Variants in ERBB4 observed in about 807,000 individuals in gnomAD.
ERBB4 encodes receptor tyrosine-protein kinase erbB-4.
ERBB4 carries 42 observed loss-of-function variants against 158.0 expected under a neutral mutation model. The observed-to-expected ratio is 0.27, with a 90% confidence interval of 0.21 to 0.34. The LOEUF is 0.34. Among genes scored for constraint, ERBB4 ranks in the 10% least tolerant of loss-of-function variants. The pLI is 1.00. For missense variants in ERBB4, 1,333 were observed against 1,624.1 expected (o/e 0.82, Z 3.08); for synonymous variants, 583 against 558.7 (o/e 1.04, Z -0.61).
intron 1 of ERBB4, among the ~76,000 whole-genome samples, chr2:212,500,008 A>C (rs1690795563): frequency 6.6e-6 from 1 of 152,152 alleles, no homozygotes; most frequent in Non-Finnish European, 1.5e-5. Context: ...TGTTAAATAC[A>C]AAACATGTTG....
At chr2:211,484,556 A>G (rs2125555736) in intron 20 of ERBB4, among the ~76,000 whole-genome samples, 1 of 152,320 alleles carries the variant, frequency 6.6e-6, no homozygotes, top group East Asian at 1.9e-4. Flanking sequence ...AATTTAAAAG[A>G]CTGCATTAAT....
chr2:212,134,736 T>C (rs1057110137), intron 1 of ERBB4, among the ~76,000 whole-genome samples: 3 of 136,420 alleles, frequency 2.2e-5, no homozygotes, highest in African/African-American at 8.5e-5. Flanking sequence ...CAGACTGGAG[T>C]GCAGAGGTGC....
At chr2:212,274,635 G>C (rs2085460313) in intron 1 of ERBB4, among the ~76,000 whole-genome samples, 1 of 151,736 alleles carries the variant, frequency 6.6e-6, no homozygotes, top group African/African-American at 2.4e-5. Context: ...CACCATGTAT[G>C]GTCTGCAAGT....
chr2:211,533,638 T>C (rs1239216235), intron 20 of ERBB4, among the ~76,000 whole-genome samples: 1 of 151,772 alleles, frequency 6.6e-6, no homozygotes, highest in Non-Finnish European at 1.5e-5. Flanking sequence ...ACAGACAACA[T>C]TTTTTTTACA....
intron 16 of ERBB4, among the ~76,000 whole-genome samples, chr2:211,630,843 T>C: frequency 6.6e-6 from 1 of 152,210 alleles, no homozygotes; most frequent in Middle Eastern, 3.4e-3. Context: ...AGATGAACAG[T>C]CACAACATGC....
chr2:211,765,432 A>G (rs2075527619), intron 4 of ERBB4, among the ~76,000 whole-genome samples: 1 of 152,184 alleles, frequency 6.6e-6, no homozygotes, highest in African/African-American at 2.4e-5. Context: ...AACGTATATT[A>G]TACTCTTACT....
intron 2 of ERBB4, among the ~76,000 whole-genome samples, chr2:211,971,831 A>G (rs2081461662): frequency 6.6e-6 from 1 of 152,180 alleles, no homozygotes; most frequent in Admixed American, 6.5e-5. Flanking sequence ...TAGAAGCAAT[A>G]GCTGGAAGCA....
At chr2:212,295,208 G>A (rs913071230) in intron 1 of ERBB4, among the ~76,000 whole-genome samples, 1 of 151,994 alleles carries the variant, frequency 6.6e-6, no homozygotes, top group Non-Finnish European at 1.5e-5. Context: ...TTAAAATATT[G>A]CTATTTACAT....
intron 1 of ERBB4, among the ~76,000 whole-genome samples, chr2:212,363,954 T>C (rs1480476892): frequency 6.6e-6 from 1 of 151,736 alleles, no homozygotes; most frequent in African/African-American, 2.4e-5. Context: ...TGCTTCCAGA[T>C]GCCAATATGT....
intron 1 of ERBB4, among the ~76,000 whole-genome samples, chr2:212,519,169 T>C (rs1692009942): frequency 6.6e-6 from 1 of 152,016 alleles, no homozygotes; most frequent in South Asian, 2.1e-4. Flanking sequence ...TTACTAGCCT[T>C]CTCAGAAATA....
chr2:211,784,260 C>T (rs1274169916), intron 4 of ERBB4, among the ~76,000 whole-genome samples: 1 of 152,164 alleles, frequency 6.6e-6, no homozygotes, highest in East Asian at 1.9e-4. Context: ...GACATTTAGC[C>T]TTCCTTCCAA....
At chr2:212,282,266 A>G (rs955144728) in intron 1 of ERBB4, among the ~76,000 whole-genome samples, 1 of 151,932 alleles carries the variant, frequency 6.6e-6, no homozygotes, top group Non-Finnish European at 1.5e-5. Flanking sequence ...AAAATTCAGA[A>G]AGCTAAAATA....
intron 20 of ERBB4, among the ~76,000 whole-genome samples, chr2:211,441,054 CAGG>C (rs1403419289): frequency 6.6e-6 from 1 of 152,186 alleles, no homozygotes; most frequent in Non-Finnish European, 1.5e-5. Context: ...CCTCCTTCCT[CAGG>C]CTTGCTCCTC....
intron 25 of ERBB4, among the ~76,000 whole-genome samples, chr2:211,410,946 G>C (rs2063244346): frequency 6.6e-6 from 1 of 152,164 alleles, no homozygotes; most frequent in South Asian, 2.1e-4. Context: ...GTCTAGCTCT[G>C]TTGCCAGGCT....
intron 3 of ERBB4, among the ~76,000 whole-genome samples, chr2:211,790,801 T>C (rs1175990378): frequency 6.6e-6 from 1 of 151,968 alleles, no homozygotes; most frequent in African/African-American, 2.4e-5. Context: ...GAAAATATTC[T>C]TTTTTCCTTT....
chr2:211,643,946 C>G (rs2070695088), intron 16 of ERBB4, among the ~76,000 whole-genome samples: 1 of 152,030 alleles, frequency 6.6e-6, no homozygotes, highest in African/African-American at 2.4e-5. Flanking sequence ...TTACACACCT[C>G]AAGCAAATAT....
intron 4 of ERBB4, among the ~76,000 whole-genome samples, chr2:211,773,344 T>C (rs1376165870): frequency 3.3e-5 from 5 of 151,670 alleles, no homozygotes. Flanking sequence ...TGTGTATGTA[T>C]AAATTTACAT....
chr2:211,507,966 C>T (rs554464107), intron 20 of ERBB4, among the ~76,000 whole-genome samples: 1 of 152,038 alleles, frequency 6.6e-6, no homozygotes, highest in Non-Finnish European at 1.5e-5. Context: ...TTCCTTACAC[C>T]TTATACACAA....
chr2:212,073,452 G>T (rs923952545), intron 2 of ERBB4, among the ~76,000 whole-genome samples: 1 of 151,844 alleles, frequency 6.6e-6, no homozygotes, highest in Admixed American at 6.6e-5. Flanking sequence ...ATTCTATGAG[G>T]CTGTATATAT....
Sources: gnomAD v4.1 joint callset for allele counts (sites outside exome capture counted in the v4.1 genomes callset) on GRCh38, gnomAD v4.1.1 for gene constraint, MANE v1.5 for transcripts, NCBI Gene and HGNC (gene_info 2026-07-23, HGNC 2026-07-21) for gene names.